MTOR: variants seen among roughly 807,000 people sequenced by gnomAD.
MTOR encodes the protein serine/threonine-protein kinase mTOR.
MTOR carries 70 observed loss-of-function variants against 319.8 expected under a neutral mutation model. That is an observed-to-expected ratio of 0.22 (90% CI 0.18 to 0.27). The LOEUF (loss-of-function observed/expected upper bound fraction) is 0.27, where lower values mean the gene tolerates loss of function less well. Ranked by LOEUF, MTOR falls within the 10% of genes least tolerant of loss-of-function variation. The pLI is 1.00. For missense variants in MTOR, 1,890 were observed against 3,274.4 expected (o/e 0.58, Z 10.32); for synonymous variants, 1,183 against 1,211.4 (o/e 0.98, Z 0.49).
In MTOR at chr1:11,106,704, T is replaced by C. The variant is rs1490690137; in HGVS notation, c.*781A>G. The C allele has an allele frequency of 8.4e-7, 1 of 1,186,634 alleles. No homozygotes were observed. The allele number at this position is 1,186,634 out of a possible 1,614,324, so 73.5% of individuals were successfully genotyped here. A position where few individuals can be genotyped will look rare whatever the true frequency, so the allele number is the denominator to read the frequency against. ...TGTGTTCAGCACCTCCATGACAGTA[T>C]TTCTGTTTTCTGAGCCCTTGCTCTA... On this transcript the variant is annotated 3_prime_UTR_variant, in exon 58 of 58. Coordinates refer to ENST00000361445, the MANE Select transcript of MTOR (RefSeq NM_004958.4).
rs1645903421 is a variant in MTOR at position 11,199,869 on chromosome 1, C to T, written c.3945-166G>A. On this transcript the variant is annotated intron_variant, in intron 26 of 57. Transcript: ENST00000361445. The surrounding 1 kb of genome is among the most constrained non-coding windows in gnomAD (Gnocchi z 4.5). ...GAATTTTCCTGTCCAATATGGTAGC[C>T]AGTGATCACTAAAGCACTTGAACTG... Among the ~76,000 whole-genome samples, 1 of 152,174 alleles carries T rather than the reference C, an allele frequency of 6.6e-6. No homozygotes were observed. The highest frequency in any genetic ancestry group is 6.5e-5 in the Admixed American group (1 of 15,280).
At chr1:11,237,696 ATTTGGACC>A in intron 13 of MTOR, 139 bp downstream of exon 13, 1 of 803,014 alleles carries the variant, frequency 1.2e-6, no homozygotes, top group Non-Finnish European at 2.0e-6. Context: ...CCAGGGAAAC[ATTTGGACC>A]TTTGCAGACA....
intron 25 of MTOR, among the ~76,000 whole-genome samples, chr1:11,209,109 G>A (rs767566846): frequency 6.6e-6 from 1 of 152,192 alleles, no homozygotes; most frequent in East Asian, 1.9e-4. Flanking sequence ...AGGACATTTT[G>A]TTCTCTACTT....
At chr1:11,193,833 C>A in intron 28 of MTOR, 1 of 1,534,298 alleles carries the variant, frequency 6.5e-7, no homozygotes, top group Non-Finnish European at 9.0e-7. Context: ...TGACCGCGTA[C>A]AACTCCGGGG....
intron 28 of MTOR, among the ~76,000 whole-genome samples, chr1:11,168,694 G>A (rs1644721131): frequency 6.6e-6 from 1 of 152,210 alleles, no homozygotes; most frequent in South Asian, 2.1e-4. Context: ...TCTTTAGGCT[G>A]GAGGACTGTT....
chr1:11,107,519 A>T lies in MTOR; in HGVS notation c.7635-19T>A. 1 of 1,611,910 alleles carries T rather than the reference A, an allele frequency of 6.2e-7. No individual in the cohort carries two copies. Among genetic ancestry groups the T allele is most frequent in the Non-Finnish European group, 8.5e-7 (1 of 1,179,304 alleles). On this transcript the variant is annotated intron_variant, in intron 57 of 57. Coordinates refer to ENST00000361445, the MANE Select transcript of MTOR (RefSeq NM_004958.4). Reference sequence around the variant, plus strand: ...AGGGCACCTAAGAAGGCAGAAAGAAAAGGAATATTTTAATAATTTGAGCTT... The same window carrying T: ...AGGGCACCTAAGAAGGCAGAAAGAATAGGAATATTTTAATAATTTGAGCTT...
At chr1:11,218,428 T>C (rs1490039430) in intron 19 of MTOR, among the ~76,000 whole-genome samples, 1 of 145,962 alleles carries the variant, frequency 6.9e-6, no homozygotes, top group Non-Finnish European at 1.5e-5. Context: ...AGACTCCATC[T>C]CAAAAAAAAA....
At chr1:11,232,415 T>A (rs753068470) in intron 16 of MTOR, 21 bp downstream of exon 16, 15 of 1,589,902 alleles carry the variant, frequency 9.4e-6, no homozygotes, top group Non-Finnish European at 1.3e-5. Flanking sequence ...TCTTGCTCAA[T>A]CAGGAAGCAG....
rs147665002 is a variant in MTOR, at chr1:11,247,146, G to A, written c.1225+479C>T. Among the ~76,000 whole-genome samples, 902 of 152,330 alleles carry A rather than the reference G, an allele frequency of 5.9e-3. 6 individuals carry two copies. The highest frequency in any genetic ancestry group is 1.0e-2 in the Non-Finnish European group (678 of 68,020). ...ATGGAAGAAGGCAAGGACATTTACA[G>A]CTGGAGCAATCTAGGAAGGCTTCGT... On this transcript the variant is annotated intron_variant, in intron 8 of 57. Coordinates refer to ENST00000361445, the MANE Select transcript of MTOR (RefSeq NM_004958.4).
Position 11,128,788 on chromosome 1 carries a change from G to T in MTOR, c.5811+67C>A. ...TGCCTTGTGACACTGAACACAGCAT[G>T]CTTGTAAGAGGAGACACACAGAAGA... On this transcript the variant is annotated intron_variant, in intron 41 of 57. Coordinates refer to ENST00000361445, the MANE Select transcript of MTOR (RefSeq NM_004958.4). The surrounding 1 kb of genome is among the most constrained non-coding windows in gnomAD (Gnocchi z 5.3). 3 of 1,348,892 alleles carry T rather than the reference G, an allele frequency of 2.2e-6. No homozygotes were observed. Among genetic ancestry groups the T allele is most frequent in the Non-Finnish European group, 3.2e-6 (3 of 947,802 alleles). The allele number at this position is 1,348,892 out of a possible 1,614,324, so 83.6% of individuals were successfully genotyped here.
chr1:11,182,948 C>T (rs1028933512), intron 28 of MTOR, among the ~76,000 whole-genome samples: 21 of 152,282 alleles, frequency 1.4e-4, no homozygotes, highest in Admixed American at 8.5e-4. Context: ...TCTTCTGGAG[C>T]ATGTGTGCTT....
Position 11,106,772 on chromosome 1 carries a change from G to T in MTOR, c.*713C>A, listed in dbSNP as rs893474510. 1 of 1,254,764 alleles carries T rather than the reference G, an allele frequency of 8.0e-7. No individual in the cohort carries two copies. Among genetic ancestry groups the T allele is most frequent in the Non-Finnish European group, 1.0e-6 (1 of 983,302 alleles). 77.7% of individuals were successfully genotyped at this position (1,254,764 alleles called of 1,614,324 possible). A position where few individuals can be genotyped will look rare whatever the true frequency, so the allele number is the denominator to read the frequency against. The stretch of plus-strand genomic sequence containing the variant: ...ACTGAAAACATCCCAGAACCCTGCT[G>T]CAGAAGGCCAGTGAGGGTGGTCCCA... On this transcript the variant is annotated 3_prime_UTR_variant, in exon 58 of 58. Coordinates refer to ENST00000361445, the MANE Select transcript of MTOR (RefSeq NM_004958.4).
chr1:11,240,693 T>A, intron 10 of MTOR, 146 bp from the exon 11 acceptor site: 1 of 1,107,080 alleles, frequency 9.0e-7, no homozygotes, highest in Non-Finnish European at 1.2e-6. Context: ...AATAAAAGTG[T>A]AAACTCTCTT....
chr1:11,120,736 T>C (rs888304404), intron 49 of MTOR, among the ~76,000 whole-genome samples: 5 of 152,184 alleles, frequency 3.3e-5, no homozygotes, highest in Admixed American at 1.3e-4. Context: ...CTTGGGTACA[T>C]ATAATACCTA....
rs1226210727 is a variant in MTOR, at chr1:11,172,361, T to G, written c.4254-4844A>C. On this transcript the variant is annotated intron_variant, in intron 28 of 57. Transcript: ENST00000361445. The stretch of plus-strand genomic sequence containing the variant: ...TCACGAGGTCAGGAGATCGAGACCA[T>G]CCTGGCTAACATGGTGAAACCCCGT... 3.8e-3 allele frequency among the ~76,000 whole-genome samples: 441 copies of G among 117,138 alleles called. No homozygotes were observed. In the Middle Eastern group the frequency reaches 0.048, roughly 13 times the overall value. The allele number at this position is 117,138 out of a possible 152,430, so 76.8% of individuals were successfully genotyped here. A position where few individuals can be genotyped will look rare whatever the true frequency, so the allele number is the denominator to read the frequency against.
intron 28 of MTOR, among the ~76,000 whole-genome samples, chr1:11,185,627 C>T (rs1425389812): frequency 6.6e-6 from 1 of 151,950 alleles, no homozygotes; most frequent in South Asian, 2.1e-4. Flanking sequence ...CAAAACAAAA[C>T]AGGACTCTAA....
At chr1:11,235,081 C>A (rs1168670866) in intron 13 of MTOR, among the ~76,000 whole-genome samples, 2 of 152,166 alleles carry the variant, frequency 1.3e-5, no homozygotes, top group African/African-American at 4.8e-5. Context: ...ATTCCCCTGG[C>A]AGCCTGTTTT....
In MTOR at chr1:11,212,852, C is replaced by A; in HGVS notation, c.3342G>T (p.Leu1114=). The stretch of plus-strand genomic sequence containing the variant: ...CAAACAACTTAACAATAGGAGGCAG[C>A]AGTAAATGCAGGTAGTCATCCAGGT... ...GANLDDYLHL[L]LPPIVKLFDA... Residue 1114 remains leucine (L), a synonymous_variant, in exon 22 of 58, where the codon CTG becomes CTT. Coordinates refer to ENST00000361445, the MANE Select transcript of MTOR (RefSeq NM_004958.4). This position sits in a 1 kb window ranked among gnomAD's most constrained non-coding sequence, Gnocchi z 4.1. 1 of 1,614,070 alleles carries A rather than the reference C, an allele frequency of 6.2e-7. No homozygotes were observed. Among genetic ancestry groups the A allele is most frequent in the Non-Finnish European group, 8.5e-7 (1 of 1,179,980 alleles).
intron 34 of MTOR, among the ~76,000 whole-genome samples, chr1:11,143,078 A>T (rs1188929220): frequency 6.6e-6 from 1 of 152,218 alleles, no homozygotes; most frequent in Non-Finnish European, 1.5e-5. Flanking sequence ...CATCCCATGA[A>T]GTGTGACAAC....
Sources: gnomAD v4.1 joint callset for allele counts (sites outside exome capture counted in the v4.1 genomes callset) on GRCh38, gnomAD v4.1.1 for gene constraint, Gnocchi (gnomAD v3.1) non-coding constraint, MANE v1.5 for transcripts, NCBI Gene and HGNC (gene_info 2026-07-23, HGNC 2026-07-21) for gene names.